The following DLG4 variants were observed in gnomAD, a reference collection of about 807,000 sequenced individuals.
DLG4 encodes the protein disks large homolog 4.
Under a neutral mutation model 93.8 loss-of-function variants are expected in DLG4, and 7 were observed. That is an observed-to-expected ratio of 0.07 (90% confidence interval 0.04 to 0.14). The LOEUF is 0.14. DLG4 is among the 10% of genes least tolerant of loss of function. The pLI is 1.00. For missense variants in DLG4, 545 were observed against 992.9 expected (o/e 0.55, Z 6.06); for synonymous variants, 341 against 387.6 (o/e 0.88, Z 1.41).
At chr17:7,216,151 C>A (rs1422663276) in intron 1 of DLG4, among the ~76,000 whole-genome samples, 1 of 151,936 alleles carries the variant, frequency 6.6e-6, no homozygotes, top group Non-Finnish European at 1.5e-5. Flanking sequence ...CGGTCATAAG[C>A]CCTCAGGGAC....
At chr17:7,199,659 A>G (rs895868898) in intron 8 of DLG4, among the ~76,000 whole-genome samples, 1 of 152,056 alleles carries the variant, frequency 6.6e-6, no homozygotes, top group Non-Finnish European at 1.5e-5. Context: ...AGAAGTTAGA[A>G]GCTCATCTTA....
Position 7,203,398 on chromosome 17 carries a change from G to A in DLG4, c.505+26C>T. ...TTGGGGGCACAGGACAGTTGGGATG[G>A]GGGTGGGAACAAAATGAGTTACTAC... On this transcript the variant is annotated intron_variant, in intron 6 of 19. Transcript: ENST00000399506. The surrounding 1 kb of genome is among the most constrained non-coding windows in gnomAD (Gnocchi z 7.2). The A allele has an allele frequency of 1.3e-6, 2 of 1,595,932 alleles. No individual in the cohort carries two copies. Among genetic ancestry groups the A allele is most frequent in the Non-Finnish European group, 1.7e-6 (2 of 1,165,252 alleles).
Position 7,191,620 on chromosome 17 carries a change from C to T in DLG4, c.1977-262G>A. 3.4e-6 allele frequency: 2 copies of T among 592,152 alleles called. No individual in the cohort carries two copies. The highest frequency in any genetic ancestry group is 2.8e-5 in the East Asian group (1 of 36,046). 36.7% of individuals were successfully genotyped at this position (592,152 alleles called of 1,614,324 possible). A position where few individuals can be genotyped will look rare whatever the true frequency, so the allele number is the denominator to read the frequency against. ...AGCCTTCAGCCCCAGAGATGGGATTCGGACTCCAATTCCCAACAGCCCTAG... is the reference window on the plus strand; with the variant it reads ...AGCCTTCAGCCCCAGAGATGGGATTTGGACTCCAATTCCCAACAGCCCTAG... On this transcript the variant is annotated intron_variant, in intron 18 of 19. Coordinates refer to ENST00000399506, the MANE Select transcript of DLG4 (RefSeq NM_001321075.3). The surrounding 1 kb of genome is among the most constrained non-coding windows in gnomAD (Gnocchi z 6.6).
In DLG4 at chr17:7,208,981, C is replaced by T. The variant is rs1457150836; in HGVS notation, c.31-742G>A. On this transcript the variant is annotated intron_variant, in intron 1 of 19. Coordinates refer to ENST00000399506, the MANE Select transcript of DLG4 (RefSeq NM_001321075.3). The surrounding 1 kb of genome is among the most constrained non-coding windows in gnomAD (Gnocchi z 5.4). ...CTGGCCCTACCCCTGCAACAGCCCA[C>T]AGCCCAGCCAGCTAATCCGGTTATG... Among the ~76,000 whole-genome samples the T allele has an allele frequency of 6.6e-6, 1 of 152,152 alleles. No individual in the cohort carries two copies. Among genetic ancestry groups the T allele is most frequent in the Non-Finnish European group, 1.5e-5 (1 of 68,040 alleles).
In DLG4 at chr17:7,188,777, C is replaced by T. The variant is rs148514947; in HGVS notation, c.*1931G>A. 3.9e-5 allele frequency among the ~76,000 whole-genome samples: 6 copies of T among 152,008 alleles called. No homozygotes were observed. In the East Asian group the frequency reaches 1.2e-3, roughly 29 times the overall value. On this transcript the variant is annotated 3_prime_UTR_variant, in exon 20 of 20. Coordinates refer to ENST00000399506, the MANE Select transcript of DLG4 (RefSeq NM_001321075.3). ...GGCATTTAGATTCTTATTTTCCTAC[C>T]CTCATTATTTACAAAGCTGCCTCAG...
At position 7,194,009 on chromosome 17, in the gene DLG4, T is replaced by C; in HGVS notation, c.1479-9A>G. On this transcript the variant is annotated splice_polypyrimidine_tract_variant and intron_variant, in intron 12 of 19. Transcript: ENST00000399506. The surrounding 1 kb of genome is among the most constrained non-coding windows in gnomAD (Gnocchi z 4.4). Reference sequence around the variant, plus strand: ...ACTCTCGTCGCTCAACCCTGTGGGATACATGGAGGGATACGCGGGTAGGGG... The same window carrying C: ...ACTCTCGTCGCTCAACCCTGTGGGACACATGGAGGGATACGCGGGTAGGGG... 1.2e-6 allele frequency: 2 copies of C among 1,613,464 alleles called. No individual in the cohort carries two copies. Among genetic ancestry groups the C allele is most frequent in the South Asian group, 1.1e-5 (1 of 90,904 alleles).
At chr17:7,202,850 A>G (rs775950134) in intron 8 of DLG4, 53 bp downstream of exon 8, 4 of 1,604,982 alleles carry the variant, frequency 2.5e-6, no homozygotes, top group Non-Finnish European at 3.4e-6. Context: ...ACTGCATGTC[A>G]TGGGTTAAAC....
chr17:7,218,622 A>G (rs2071044214), upstream of DLG4: 3 of 1,563,692 alleles, frequency 1.9e-6, no homozygotes, highest in East Asian at 7.1e-5. Context: ...GCCAGGAGCC[A>G]GAGGGCTGAC....
chr17:7,213,354 G>A (rs961695587), intron 1 of DLG4, among the ~76,000 whole-genome samples: 2 of 151,838 alleles, frequency 1.3e-5, no homozygotes, highest in African/African-American at 4.8e-5. Flanking sequence ...CGCGCCTCGG[G>A]CTCCCAAAGT....
intron 1 of DLG4, among the ~76,000 whole-genome samples, chr17:7,216,268 G>A (rs2070911231): frequency 6.6e-6 from 1 of 152,102 alleles, no homozygotes; most frequent in Non-Finnish European, 1.5e-5. Flanking sequence ...GCTAGATACA[G>A]TGTGGGAGGA....
chr17:7,198,010 T>G (rs2069889930), intron 8 of DLG4, among the ~76,000 whole-genome samples: 1 of 152,212 alleles, frequency 6.6e-6, no homozygotes, highest in Admixed American at 6.5e-5. Flanking sequence ...GTTGTCTTTC[T>G]GTCAGGTAAG....
Position 7,193,618 on chromosome 17 carries a change from G to C in DLG4, c.1592-34C>G, listed in dbSNP as rs200518638. On this transcript the variant is annotated intron_variant, in intron 15 of 19. Coordinates refer to ENST00000399506, the MANE Select transcript of DLG4 (RefSeq NM_001321075.3). The surrounding 1 kb of genome is among the most constrained non-coding windows in gnomAD (Gnocchi z 6.7). ...AGAGCCTGGCTTAGGCCGAGCGCAGGGTTGGGGGAGCAGCAAGTGCTGGGG... is the reference window on the plus strand; with the variant it reads ...AGAGCCTGGCTTAGGCCGAGCGCAGCGTTGGGGGAGCAGCAAGTGCTGGGG... The C allele has an allele frequency of 1.3e-5, 20 of 1,529,030 alleles. No individual in the cohort carries two copies. The East Asian group carries it at 4.5e-4, about 35-fold the overall frequency. The allele number at this position is 1,529,030 out of a possible 1,614,324, so 94.7% of individuals were successfully genotyped here.
chr17:7,198,041 C>T (rs986899550), intron 8 of DLG4, among the ~76,000 whole-genome samples: 1 of 152,144 alleles, frequency 6.6e-6, no homozygotes, highest in African/African-American at 2.4e-5. Flanking sequence ...GGTTCAGGGT[C>T]ATCAGCCCAG....
At chr17:7,212,692 C>T (rs1009659551) in intron 1 of DLG4, among the ~76,000 whole-genome samples, 1 of 152,074 alleles carries the variant, frequency 6.6e-6, no homozygotes, top group Non-Finnish European at 1.5e-5. Context: ...CGCTGGAGGC[C>T]AGGTGCCCAA....
intron 8 of DLG4, among the ~76,000 whole-genome samples, chr17:7,197,918 G>GT (rs1301375014): frequency 1.3e-5 from 2 of 152,014 alleles, no homozygotes; most frequent in African/African-American, 2.4e-5. Flanking sequence ...TCAATTCAGA[G>GT]TTTTTTTTAG....
chr17:7,218,379 G>A, upstream of DLG4: 1 of 1,432,498 alleles, frequency 7.0e-7, no homozygotes. Flanking sequence ...CAAGGGAGGA[G>A]CCCTTTCAGC....
Position 7,196,092 on chromosome 17 carries a change from C to T in DLG4, c.1301+128G>A, listed in dbSNP as rs138935063. The T allele has an allele frequency of 8.9e-5, 58 of 654,450 alleles. No homozygotes were observed. The highest frequency in any genetic ancestry group is 8.0e-4 in the African/African-American group (44 of 54,956). 40.5% of individuals were successfully genotyped at this position (654,450 alleles called of 1,614,324 possible). A position where few individuals can be genotyped will look rare whatever the true frequency, so the allele number is the denominator to read the frequency against. The stretch of plus-strand genomic sequence containing the variant: ...CAGCCAAGCCCATGAACCCTGGCTG[C>T]GCCTCAGGCCTGGGGTGGGGAGCTA... On this transcript the variant is annotated intron_variant, in intron 11 of 19. Transcript: ENST00000399506. This position sits in a 1 kb window ranked among gnomAD's most constrained non-coding sequence, Gnocchi z 8.3.
Position 7,190,820 on chromosome 17 carries a change from A to C in DLG4, c.2069-6T>G, listed in dbSNP as rs1270058348. The C allele has an allele frequency of 6.2e-7, 1 of 1,612,544 alleles. No homozygotes were observed. The highest frequency in any genetic ancestry group is 1.3e-5 in the African/African-American group (1 of 74,798). ...GCTGTCACCCTCCACGATGGCTGGG[A>C]GTGGGGTGGAGCAGGGAGTGAGGCC... On this transcript the variant is annotated splice_polypyrimidine_tract_variant and splice_region_variant and intron_variant, in intron 19 of 19. Coordinates refer to ENST00000399506, the MANE Select transcript of DLG4 (RefSeq NM_001321075.3).
intron 1 of DLG4, among the ~76,000 whole-genome samples, chr17:7,216,040 T>C (rs1397877527): frequency 6.6e-6 from 1 of 151,450 alleles, no homozygotes; most frequent in Non-Finnish European, 1.5e-5. Context: ...ATCTCCTGCC[T>C]TTGCCAGGCT....
Sources: allele counts gnomAD v4.1 joint callset (sites outside exome capture counted in the v4.1 genomes callset), GRCh38; gene constraint gnomAD v4.1.1; non-coding constraint Gnocchi (gnomAD v3.1); transcripts MANE v1.5; gene names NCBI Gene and HGNC (gene_info 2026-07-23, HGNC 2026-07-21).